Variants in AEN observed in about 807,000 individuals in gnomAD.
The protein encoded by AEN is apoptosis-enhancing nuclease.
In AEN, 21 loss-of-function variants were observed where a neutral mutation model predicts 17.7. The ratio of observed to expected loss-of-function variants is 1.19; its 90% CI spans 0.84 to 1.71. AEN has a LOEUF of 1.71. Among genes scored for constraint, AEN ranks in the 40% most tolerant of loss-of-function variants. The pLI, the probability that AEN is intolerant of heterozygous loss-of-function variation, is 0.00. For missense variants in AEN, 462 were observed against 435.9 expected, an observed-to-expected ratio of 1.06 and a Z score of -0.53; for synonymous variants, 190 against 173.0, an observed-to-expected ratio of 1.10 and a Z score of -0.77.
At chr15:88,626,889 C>A in intron 2 of AEN, 140 bp downstream of exon 2, 1 of 890,952 alleles carries the variant, frequency 1.1e-6, no homozygotes, top group Non-Finnish European at 1.7e-6. Flanking sequence ...TAGGTTCCTT[C>A]TCCATAGAAC....
intron 1 of AEN, among the ~76,000 whole-genome samples, chr15:88,623,887 T>C (rs1724582458): frequency 6.6e-6 from 1 of 152,178 alleles, no homozygotes; most frequent in African/African-American, 2.4e-5. Context: ...TGACCCGCCT[T>C]ATGCTCTACA....
At chr15:88,612,227 C>T in the AEN span, among the ~76,000 whole-genome samples, 1 of 152,188 alleles carries the variant, frequency 6.6e-6, no homozygotes, top group Non-Finnish European at 1.5e-5. Flanking sequence ...ATAATGGAGG[C>T]ACCTTGTGAC....
At chr15:88,606,098 G>A in the AEN span, among the ~76,000 whole-genome samples, 1 of 152,216 alleles carries the variant, frequency 6.6e-6, no homozygotes, top group Non-Finnish European at 1.5e-5. Flanking sequence ...GCAGAGGCAC[G>A]ATTGCAGGCG....
chr15:88,615,669 C>G, the AEN span, among the ~76,000 whole-genome samples: 1 of 152,064 alleles, frequency 6.6e-6, no homozygotes, highest in African/African-American at 2.4e-5. Context: ...GGGCCTCATC[C>G]CCTGACTTTC....
In AEN at chr15:88,630,300, G is replaced by T; in HGVS notation, c.*6G>T. On this transcript the variant is annotated 3_prime_UTR_variant, in exon 4 of 4. Coordinates refer to ENST00000332810, the MANE Select transcript of AEN (RefSeq NM_022767.4). This position sits in a 1 kb window ranked among gnomAD's most constrained non-coding sequence, Gnocchi z 5.1. The stretch of plus-strand genomic sequence containing the variant: ...CACAGGACAGAAGGAATTGAGAAGG[G>T]GGCGGGGCTCCCTGGCTGGGCTTCC... 1 of 1,569,364 alleles carries T rather than the reference G, an allele frequency of 6.4e-7. No individual in the cohort carries two copies. Among genetic ancestry groups the T allele is most frequent in the Non-Finnish European group, 8.6e-7 (1 of 1,157,566 alleles).
In AEN at chr15:88,626,765, G is replaced by C; in HGVS notation, c.540+16G>C. 1.3e-6 allele frequency: 2 copies of C among 1,597,124 alleles called. No homozygotes were observed. Among genetic ancestry groups the C allele is most frequent in the East Asian group, 2.2e-5 (1 of 44,632 alleles). ...CCAGAAAGAGGTAAGGGCAGGGATGGGGACTTGTTTGGGAGGTGTGGTGGG... is the reference window on the plus strand; with the variant it reads ...CCAGAAAGAGGTAAGGGCAGGGATGCGGACTTGTTTGGGAGGTGTGGTGGG... On this transcript the variant is annotated intron_variant, in intron 2 of 3. Transcript: ENST00000332810.
At chr15:88,615,203 C>T in the AEN span, among the ~76,000 whole-genome samples, 2 of 152,120 alleles carry the variant, frequency 1.3e-5, no homozygotes, top group Non-Finnish European at 2.9e-5. Flanking sequence ...TGAGTCAAGG[C>T]TGGGGACCAC....
intron 1 of AEN, among the ~76,000 whole-genome samples, chr15:88,622,240 C>T (rs1236450062): frequency 2.6e-5 from 4 of 152,150 alleles, no homozygotes; most frequent in Admixed American, 2.0e-4. Context: ...ACCCCCAGAG[C>T]GCTGGGTCCA....
At chr15:88,613,086 A>G in the AEN span, among the ~76,000 whole-genome samples, 1 of 152,206 alleles carries the variant, frequency 6.6e-6, no homozygotes, top group Non-Finnish European at 1.5e-5. Flanking sequence ...AAAGCATATT[A>G]CAAACTAAAG....
rs1288612841 is a variant in AEN at position 88,630,370 on chromosome 15, C to G, written c.*76C>G. The G allele has an allele frequency of 1.2e-5, 17 of 1,397,654 alleles. No individual in the cohort carries two copies. The Admixed American group carries it at 3.4e-4, about 28-fold the overall frequency. The allele number at this position is 1,397,654 out of a possible 1,614,324, so 86.6% of individuals were successfully genotyped here. A position where few individuals can be genotyped will look rare whatever the true frequency, so the allele number is the denominator to read the frequency against. On this transcript the variant is annotated 3_prime_UTR_variant, in exon 4 of 4. Transcript: ENST00000332810. This position sits in a 1 kb window ranked among gnomAD's most constrained non-coding sequence, Gnocchi z 5.1. ...GGGGGCCAGGAGAGCAGCGGGCACT[C>G]CTTCCTGGGCAGGGTGGGGCAGGAT...
At chr15:88,606,366 A>T in the AEN span, among the ~76,000 whole-genome samples, 15 of 152,162 alleles carry the variant, frequency 9.9e-5, no homozygotes, top group Non-Finnish European at 1.6e-4. Context: ...CTCAAAACTC[A>T]AGCGTGGATG....
Position 88,626,257 on chromosome 15 carries a change from C to T in AEN, c.48C>T (p.Ser16=). Reference sequence around the variant, plus strand: ...AGTCTGCTCAGTGCCTGTGCCCTTCCCTCACCATCCCAAATGCCAAGGATG... The same window carrying T: ...AGTCTGCTCAGTGCCTGTGCCCTTCTCTCACCATCCCAAATGCCAAGGATG... The part of the protein sequence containing the change: ...APESAQCLCP[S]LTIPNAKDVL... The change falls in exon 2 of 4, where the codon TCC becomes TCT. Residue 16 remains serine, a synonymous_variant. Transcript: ENST00000332810. 3 of 1,612,532 alleles carry T rather than the reference C, an allele frequency of 1.9e-6. No individual in the cohort carries two copies. Among genetic ancestry groups the T allele is most frequent in the Non-Finnish European group, 2.5e-6 (3 of 1,179,424 alleles).
chr15:88,610,392 C>G, the AEN span, among the ~76,000 whole-genome samples: 1 of 150,768 alleles, frequency 6.6e-6, no homozygotes, highest in South Asian at 2.1e-4. Flanking sequence ...GAAAGGAGGT[C>G]TCAGTTTTCT....
At chr15:88,623,895 A>G (rs1175273480) in intron 1 of AEN, among the ~76,000 whole-genome samples, 2 of 152,234 alleles carry the variant, frequency 1.3e-5, no homozygotes, top group East Asian at 1.9e-4. Context: ...CTTATGCTCT[A>G]CACCCCAGTG....
chr15:88,618,104 G>A (rs1021151492), upstream of AEN, among the ~76,000 whole-genome samples: 2 of 152,238 alleles, frequency 1.3e-5, no homozygotes, highest in Non-Finnish European at 2.9e-5. Flanking sequence ...CCCCTTGAGA[G>A]TTTGTAGATT....
chr15:88,605,877 C>G, the AEN span, among the ~76,000 whole-genome samples: 1 of 152,268 alleles, frequency 6.6e-6, no homozygotes, highest in Non-Finnish European at 1.5e-5. This position sits in a 1 kb window ranked among gnomAD's most constrained non-coding sequence, Gnocchi z 7.6. Context: ...GCGCACGGCT[C>G]GGCCTCCCAG....
At chr15:88,625,640 C>T (rs903114139) in intron 1 of AEN, among the ~76,000 whole-genome samples, 7 of 152,144 alleles carry the variant, frequency 4.6e-5, no homozygotes, top group Non-Finnish European at 7.4e-5. Flanking sequence ...CTTCATATTT[C>T]AAAAAAGTAT....
At position 88,626,604 on chromosome 15, in the gene AEN, G is replaced by C. The variant is rs769917131; in HGVS notation, c.395G>C (p.Cys132Ser). 6.2e-7 allele frequency: 1 copy of C among 1,614,102 alleles called. No homozygotes were observed. Among genetic ancestry groups the C allele is most frequent in the Non-Finnish European group, 8.5e-7 (1 of 1,180,028 alleles). ...GGGCGGGTAAGCGAGCTGGCCCGCT[G>C]TTCCATTGTGAGCTACCATGGCAAT... ...PRGRVSELARCSIVSYHGNVL... is the reference protein window; with the variant it reads ...PRGRVSELARSSIVSYHGNVL... The change falls in exon 2 of 4, where the codon TGT becomes TCT. Residue 132 changes from cysteine to serine, a missense_variant. By Grantham distance (112) the Cys-to-Ser change is moderately radical. Coordinates refer to ENST00000332810, the MANE Select transcript of AEN (RefSeq NM_022767.4).
chr15:88,610,466 C>T, the AEN span, among the ~76,000 whole-genome samples: 1 of 152,112 alleles, frequency 6.6e-6, no homozygotes. Context: ...CATAAAGAGC[C>T]TCTGGGGGAG....
Sources: gnomAD v4.1 joint callset for allele counts (sites outside exome capture counted in the v4.1 genomes callset) on GRCh38, gnomAD v4.1.1 for gene constraint, Gnocchi (gnomAD v3.1) non-coding constraint, MANE v1.5 for transcripts, NCBI Gene and HGNC (gene_info 2026-07-23, HGNC 2026-07-21) for gene names.